The following DLGAP2 variants were observed in gnomAD, a reference collection of about 807,000 sequenced individuals.
The protein encoded by DLGAP2 is DLG associated protein 2.
In DLGAP2, 26 loss-of-function variants were observed where a neutral mutation model predicts 100.3. The ratio of observed to expected loss-of-function variants is 0.26; its 90% CI spans 0.19 to 0.36. DLGAP2 has a LOEUF of 0.36. DLGAP2 is among the 10% of genes least tolerant of loss of function. DLGAP2 has a pLI of 1.00. For missense variants in DLGAP2, 1,858 were observed against 1,453.2 expected (o/e 1.28, Z -4.53); for synonymous variants, 886 against 630.1 (o/e 1.41, Z -6.08).
intron 1 of DLGAP2, among the ~76,000 whole-genome samples, chr8:869,385 T>TAAA (rs1041231965): frequency 1.3e-4 from 20 of 152,174 alleles, no homozygotes; most frequent in Non-Finnish European, 2.9e-4. Context: ...TTATTTGCAG[T>TAAA]TTTGTTTCTC....
At chr8:1,217,350 G>C (rs1246306298) in intron 2 of DLGAP2, among the ~76,000 whole-genome samples, 2 of 152,064 alleles carry the variant, frequency 1.3e-5, no homozygotes, top group East Asian at 3.9e-4. Context: ...TCTGTACCTA[G>C]TTCATCATTG....
At chr8:1,258,058 T>C (rs975437619) in intron 2 of DLGAP2, among the ~76,000 whole-genome samples, 1 of 152,198 alleles carries the variant, frequency 6.6e-6, no homozygotes, top group East Asian at 1.9e-4. Flanking sequence ...GCTCCCAAAG[T>C]GTTTGTGTCT....
chr8:1,198,148 T>G (rs1797794641), intron 2 of DLGAP2, among the ~76,000 whole-genome samples: 1 of 151,996 alleles, frequency 6.6e-6, no homozygotes. Context: ...GGACGTAGAC[T>G]CCCACACAGG....
intron 2 of DLGAP2, among the ~76,000 whole-genome samples, chr8:979,244 A>G (rs2129013998): frequency 6.6e-6 from 1 of 152,356 alleles, no homozygotes; most frequent in East Asian, 1.9e-4. Flanking sequence ...ACAAACTAAT[A>G]AAAACAGTAA....
intron 3 of DLGAP2, among the ~76,000 whole-genome samples, chr8:1,344,163 T>TGGGGCCCTGTCCTGGGTCCG (rs1563095132): frequency 4.2e-4 from 14 of 33,200 alleles, no homozygotes; most frequent in East Asian, 1.1e-3. Context: ...TCGTGGGTCT[T>TGGGGCCCTGTCCTGGGTCCG]TGTACTCGGG....
At chr8:1,479,804 A>G (rs1584942470) in intron 3 of DLGAP2, among the ~76,000 whole-genome samples, 1 of 152,170 alleles carries the variant, frequency 6.6e-6, no homozygotes, top group African/African-American at 2.4e-5. Flanking sequence ...CTGCGTTGCG[A>G]TAAAGTAATA....
chr8:1,110,825 C>T (rs981403372), intron 2 of DLGAP2, among the ~76,000 whole-genome samples: 5 of 151,770 alleles, frequency 3.3e-5, no homozygotes, highest in Non-Finnish European at 7.4e-5. Flanking sequence ...CCTGCACAGC[C>T]CTGACCCCCG....
intron 3 of DLGAP2, among the ~76,000 whole-genome samples, chr8:1,366,015 G>A (rs2129682184): frequency 6.6e-6 from 1 of 152,356 alleles, no homozygotes; most frequent in Non-Finnish European, 1.5e-5. Flanking sequence ...CGTCCAGCCT[G>A]GCTTCTGCCA....
intron 1 of DLGAP2, among the ~76,000 whole-genome samples, chr8:884,624 T>C (rs1296529059): frequency 2.6e-5 from 4 of 152,236 alleles, no homozygotes; most frequent in African/African-American, 9.6e-5. Context: ...CTGCACAAGC[T>C]CTTTAGTTTA....
At chr8:1,615,186 G>A (rs901735659) in intron 6 of DLGAP2, among the ~76,000 whole-genome samples, 1 of 152,176 alleles carries the variant, frequency 6.6e-6, no homozygotes, top group African/African-American at 2.4e-5. Context: ...GTTTCCAGCT[G>A]CTGACCACCG....
At chr8:1,690,053 G>A (rs1398380015) in intron 12 of DLGAP2, among the ~76,000 whole-genome samples, 1 of 152,182 alleles carries the variant, frequency 6.6e-6, no homozygotes, top group African/African-American at 2.4e-5. Flanking sequence ...CATGCTGACA[G>A]CAGACTCAAG....
At chr8:1,020,366 A>G (rs1193825964) in intron 2 of DLGAP2, among the ~76,000 whole-genome samples, 2 of 152,202 alleles carry the variant, frequency 1.3e-5, no homozygotes, top group Non-Finnish European at 2.9e-5. Context: ...TATTTTATTC[A>G]ATGGTTCTGG....
At chr8:961,976 C>T (rs983140295) in intron 2 of DLGAP2, among the ~76,000 whole-genome samples, 6 of 152,164 alleles carry the variant, frequency 3.9e-5, no homozygotes, top group African/African-American at 1.4e-4. Context: ...ATGGACGCCA[C>T]CAGTGTGGCC....
intron 3 of DLGAP2, among the ~76,000 whole-genome samples, chr8:1,497,316 C>T (rs896118504): frequency 6.6e-6 from 1 of 152,200 alleles, no homozygotes; most frequent in Non-Finnish European, 1.5e-5. Context: ...GGATAGCGTC[C>T]AGCCTCTCCC....
Position 1,383,300 on chromosome 8 carries a change from A to G in DLGAP2, c.107-118066A>G, listed in dbSNP as rs532748208. Among the ~76,000 whole-genome samples the G allele has an allele frequency of 3.9e-5, 6 of 152,374 alleles. No individual in the cohort carries two copies. In the South Asian group the frequency reaches 1.0e-3, roughly 26 times the overall value. ...ATATGTTACAGTATTTCAAATTCTC[A>G]AATATGGAAAAGGTGTTGGAAAAGT... is the stretch of plus-strand genomic sequence containing the variant. On this transcript the variant is annotated intron_variant, in intron 3 of 14. Transcript: ENST00000637795.
chr8:1,551,509 C>T (rs997484649), intron 5 of DLGAP2, among the ~76,000 whole-genome samples: 1 of 152,162 alleles, frequency 6.6e-6, no homozygotes, highest in Non-Finnish European at 1.5e-5. Flanking sequence ...CCTGCCTTCT[C>T]CAAGGAGCTT....
At chr8:1,280,429 T>G (rs1195761525) in intron 3 of DLGAP2, among the ~76,000 whole-genome samples, 1 of 152,240 alleles carries the variant, frequency 6.6e-6, no homozygotes, top group Non-Finnish European at 1.5e-5. Context: ...CTACTGATTT[T>G]CCCTGTATCA....
At chr8:1,205,513 C>T (rs1414278015) in intron 2 of DLGAP2, among the ~76,000 whole-genome samples, 1 of 152,190 alleles carries the variant, frequency 6.6e-6, no homozygotes, top group Non-Finnish European at 1.5e-5. Context: ...CCTCTGTGGC[C>T]ACCGATTAAT....
chr8:1,391,282 A>G lies in DLGAP2; in HGVS notation c.107-110084A>G, dbSNP rs1432911933. On this transcript the variant is annotated intron_variant, in intron 3 of 14. Coordinates refer to ENST00000637795, the MANE Select transcript of DLGAP2 (RefSeq NM_001346810.2). ...GCAATGGGGCATTCAAGGATTTGCA[A>G]CAAGAAAGCAAACGGCCTGAGGTAG... Among the ~76,000 whole-genome samples the G allele has an allele frequency of 3.3e-5, 5 of 152,248 alleles. No individual in the cohort carries two copies. The East Asian group carries it at 9.6e-4, about 29-fold the overall frequency.
Sources: gnomAD v4.1 joint callset for allele counts (sites outside exome capture counted in the v4.1 genomes callset) on GRCh38, gnomAD v4.1.1 for gene constraint, MANE v1.5 for transcripts, NCBI Gene and HGNC (gene_info 2026-07-23, HGNC 2026-07-21) for gene names.